The following GNB4 variants were observed in gnomAD, a reference collection of about 807,000 sequenced individuals.
GNB4 encodes guanine nucleotide-binding protein subunit beta-4.
GNB4 carries 28 observed loss-of-function variants against 45.2 expected under a neutral mutation model. The ratio of observed to expected loss-of-function variants is 0.62; its 90% confidence interval spans 0.46 to 0.85. The LOEUF is 0.85. Ranked by LOEUF, GNB4 falls within the 40% of genes least tolerant of loss-of-function variation. The probability of loss-of-function intolerance (pLI) is 0.00; values close to 1 mark genes in which losing one functional copy is unlikely to be tolerated. For missense variants in GNB4, 321 were observed against 425.4 expected, an observed-to-expected ratio of 0.75 and a Z score of 2.16; for synonymous variants, 132 against 143.7, an observed-to-expected ratio of 0.92 and a Z score of 0.58.
chr3:179,508,930 G>GTATATATATATATA, the GNB4 span, among the ~76,000 whole-genome samples: 416 of 46,980 alleles, frequency 8.9e-3, 7 homozygotes, highest in African/African-American at 0.038. Context: ...CTTTCAGCAT[G>GTATATATATATATA]TGTATATATA....
chr3:179,515,318 C>T, the GNB4 span, among the ~76,000 whole-genome samples: 1 of 152,208 alleles, frequency 6.6e-6, no homozygotes, highest in Non-Finnish European at 1.5e-5. Context: ...CATGCACGTC[C>T]ACGTGAAGAG....
intron 1 of GNB4, among the ~76,000 whole-genome samples, chr3:179,446,264 T>A (rs1377106095): frequency 6.6e-6 from 1 of 152,236 alleles, no homozygotes; most frequent in Non-Finnish European, 1.5e-5. Context: ...CCTCCACTGC[T>A]GGAGTTTGAA....
At chr3:179,435,501 G>T (rs1455048437) in intron 1 of GNB4, among the ~76,000 whole-genome samples, 3 of 151,172 alleles carry the variant, frequency 2.0e-5, no homozygotes, top group African/African-American at 7.3e-5. Flanking sequence ...ATCAGAAGGG[G>T]ACAATGTAAT....
At chr3:179,493,326 G>A in the GNB4 span, among the ~76,000 whole-genome samples, 1 of 152,012 alleles carries the variant, frequency 6.6e-6, no homozygotes, top group Non-Finnish European at 1.5e-5. Flanking sequence ...ACAACTAAGT[G>A]AAATTGAGGA....
the GNB4 span, among the ~76,000 whole-genome samples, chr3:179,513,762 A>T: frequency 2.0e-5 from 3 of 152,152 alleles, no homozygotes; most frequent in Non-Finnish European, 4.4e-5. Context: ...TTTTTTATTT[A>T]AAAAGTTATT....
intron 9 of GNB4, among the ~76,000 whole-genome samples, chr3:179,403,361 A>G (rs1326097853): frequency 6.6e-6 from 1 of 152,130 alleles, no homozygotes; most frequent in Non-Finnish European, 1.5e-5. Flanking sequence ...TAAAAAAAAA[A>G]TTCTTTCACT....
chr3:179,422,094 C>T (rs898858367), intron 2 of GNB4, among the ~76,000 whole-genome samples: 1 of 151,992 alleles, frequency 6.6e-6, no homozygotes, highest in Non-Finnish European at 1.5e-5. Flanking sequence ...TTCTAGGCAC[C>T]AATAGGCGTC....
the GNB4 span, among the ~76,000 whole-genome samples, chr3:179,508,394 G>T: frequency 6.6e-6 from 1 of 152,236 alleles, no homozygotes; most frequent in Non-Finnish European, 1.5e-5. Flanking sequence ...AGAGGCAGCA[G>T]CTGGGGCAGC....
At chr3:179,449,161 T>C (rs563343789) in intron 1 of GNB4, among the ~76,000 whole-genome samples, 10 of 152,338 alleles carry the variant, frequency 6.6e-5, no homozygotes, top group Middle Eastern at 3.4e-3. Context: ...GCAATCCTGT[T>C]TGTAACCTTC....
At chr3:179,426,713 C>T (rs1715156685) in intron 1 of GNB4, among the ~76,000 whole-genome samples, 1 of 152,096 alleles carries the variant, frequency 6.6e-6, no homozygotes, top group Admixed American at 6.6e-5. Context: ...TTAATCATAG[C>T]CTCCCCATCG....
the GNB4 span, among the ~76,000 whole-genome samples, chr3:179,503,742 T>C: frequency 5.9e-5 from 9 of 152,366 alleles, no homozygotes; most frequent in East Asian, 1.5e-3. Flanking sequence ...GCCTTCATGG[T>C]GGGTTGGCTT....
At chr3:179,500,004 CA>C in the GNB4 span, among the ~76,000 whole-genome samples, 2 of 151,964 alleles carry the variant, frequency 1.3e-5, no homozygotes, top group Non-Finnish European at 2.9e-5. Flanking sequence ...GAATAGATTG[CA>C]AAAAAATTTT....
chr3:179,460,741 C>T, the GNB4 span, among the ~76,000 whole-genome samples: 3 of 152,024 alleles, frequency 2.0e-5, no homozygotes, highest in African/African-American at 4.8e-5. Flanking sequence ...TGGACTCAAG[C>T]GATCCTCCTG....
chr3:179,421,881 A>G (rs1358967270), intron 2 of GNB4, among the ~76,000 whole-genome samples: 1 of 152,242 alleles, frequency 6.6e-6, no homozygotes, highest in African/African-American at 2.4e-5. Context: ...AATGTAGCCC[A>G]CTTTCCTATA....
chr3:179,518,687 C>T, the GNB4 span, among the ~76,000 whole-genome samples: 1 of 152,164 alleles, frequency 6.6e-6, no homozygotes, highest in Non-Finnish European at 1.5e-5. Flanking sequence ...GAGCTAAAGG[C>T]ATAGTCAAGG....
intron 1 of GNB4, among the ~76,000 whole-genome samples, chr3:179,449,739 T>C (rs1715822374): frequency 6.6e-6 from 1 of 152,214 alleles, no homozygotes; most frequent in African/African-American, 2.4e-5. Context: ...CAGATTAAAA[T>C]AGTCAGCAAG....
intron 1 of GNB4, among the ~76,000 whole-genome samples, chr3:179,439,403 T>A (rs1229880586): frequency 1.3e-5 from 2 of 152,106 alleles, no homozygotes; most frequent in East Asian, 3.8e-4. Flanking sequence ...AAAGGAAAAG[T>A]CAAGCTGGGT....
At chr3:179,406,766 CA>C (rs1560210349) in intron 8 of GNB4, among the ~76,000 whole-genome samples, 1 of 152,070 alleles carries the variant, frequency 6.6e-6, no homozygotes, top group African/African-American at 2.4e-5. Context: ...GCATGCACCA[CA>C]ACGCCTGGCT....
chr3:179,521,094 C>A, the GNB4 span, among the ~76,000 whole-genome samples: 1 of 152,160 alleles, frequency 6.6e-6, no homozygotes, highest in Admixed American at 6.5e-5. Flanking sequence ...ATATTACTCA[C>A]ATGCCCCAAG....
Sources: gnomAD v4.1 joint callset for allele counts (sites outside exome capture counted in the v4.1 genomes callset) on GRCh38, gnomAD v4.1.1 for gene constraint, MANE v1.5 for transcripts, NCBI Gene and HGNC (gene_info 2026-07-23, HGNC 2026-07-21) for gene names.